Variants in COQ8A observed in about 807,000 individuals in gnomAD.
COQ8A encodes atypical kinase COQ8A, mitochondrial.
Under a neutral mutation model 65.0 loss-of-function variants are expected in COQ8A, and 51 were observed. The ratio of observed to expected loss-of-function variants is 0.78; its 90% CI spans 0.63 to 0.99. The LOEUF is 0.99. Ranked by LOEUF, COQ8A falls within the 50% of genes least tolerant of loss-of-function variation. The pLI is 0.00. For synonymous variants in COQ8A, 371 were observed against 353.2 expected, an observed-to-expected ratio of 1.05 and a Z score of -0.57; for missense variants, 940 against 875.0, an observed-to-expected ratio of 1.07 and a Z score of -0.94.
intron 1 of COQ8A, among the ~76,000 whole-genome samples, chr1:226,943,119 A>G (rs2147994258): frequency 6.6e-6 from 1 of 152,322 alleles, no homozygotes; most frequent in African/African-American, 2.4e-5. Flanking sequence ...CCTGTAGAAA[A>G]GGATCAGGAA....
chr1:226,959,592 A>C (rs1658024695), intron 1 of COQ8A, among the ~76,000 whole-genome samples: 1 of 152,232 alleles, frequency 6.6e-6, no homozygotes, highest in South Asian at 2.1e-4. Flanking sequence ...CACAAATGAC[A>C]GACTGTGTTT....
At chr1:226,976,237 T>A (rs1450673950) in intron 4 of COQ8A, among the ~76,000 whole-genome samples, 4 of 134,492 alleles carry the variant, frequency 3.0e-5, no homozygotes, top group Admixed American at 1.5e-4. Context: ...GCTGTGGGAC[T>A]GCGGGGCTGT....
At chr1:226,969,733 A>G (rs1229897343) in intron 4 of COQ8A, among the ~76,000 whole-genome samples, 2 of 151,758 alleles carry the variant, frequency 1.3e-5, no homozygotes, top group Non-Finnish European at 2.9e-5. Context: ...TGTTTAATGC[A>G]TATCTATGAG....
intron 9 of COQ8A, 47 bp from the exon 10 acceptor site, chr1:226,983,714 T>G: frequency 1.2e-6 from 2 of 1,612,446 alleles, no homozygotes; most frequent in Non-Finnish European, 1.7e-6. Flanking sequence ...GAGGGGGTCC[T>G]CCCTGCAGAG....
intron 1 of COQ8A, among the ~76,000 whole-genome samples, chr1:226,960,331 A>G (rs1367004902): frequency 0.037 from 38 of 1,030 alleles, no homozygotes; most frequent in Non-Finnish European, 0.042. Flanking sequence ...TGGTGGTATC[A>G]GTGGTACTTG....
At position 226,986,717 on chromosome 1, in the gene COQ8A, A is replaced by G. The variant is rs1660143215; in HGVS notation, c.1924A>G (p.Lys642Glu). 6.2e-7 allele frequency: 1 copy of G among 1,613,618 alleles called. No individual in the cohort carries two copies. The highest frequency in any genetic ancestry group is 8.5e-7 in the Non-Finnish European group (1 of 1,180,024). ...MFEEAYSNYCKRQAQQ is the reference protein window; with the variant it reads ...MFEEAYSNYCERQAQQ The stretch of plus-strand genomic sequence containing the variant: ...CGAGGAGGCCTACAGCAACTACTGC[A>G]AGAGGCAGGCCCAGCAGTAGGGCTG... The change falls in exon 15 of 15, where the codon AAG (lysine) becomes GAG (glutamate). Residue 642 changes from lysine (K) to glutamate (E), a missense_variant. Transcript: ENST00000366777.
intron 4 of COQ8A, among the ~76,000 whole-genome samples, chr1:226,975,671 G>C (rs896610152): frequency 2.0e-5 from 3 of 152,086 alleles, no homozygotes; most frequent in African/African-American, 7.2e-5. Flanking sequence ...TTTTTGAATA[G>C]AGTCACGAGA....
chr1:226,982,174 C>T (rs1405859097), intron 6 of COQ8A, 25 bp downstream of exon 6: 5 of 1,555,082 alleles, frequency 3.2e-6, no homozygotes, highest in Non-Finnish European at 2.6e-6. Context: ...GGGCTGCTGC[C>T]CCGGGACTGC....
intron 4 of COQ8A, among the ~76,000 whole-genome samples, chr1:226,973,189 G>A (rs1658999252): frequency 6.6e-6 from 1 of 152,252 alleles, no homozygotes; most frequent in Non-Finnish European, 1.5e-5. Flanking sequence ...CAGTGCCAGT[G>A]CTCTTCTGGG....
At chr1:226,984,040 G>A (rs557215916) in intron 10 of COQ8A, 54 bp from the exon 11 acceptor site, 6 of 1,521,524 alleles carry the variant, frequency 3.9e-6, no homozygotes, top group Non-Finnish European at 4.5e-6. Context: ...TGTGTGGGGG[G>A]GGGGACGGTG....
chr1:226,957,491 C>T (rs562729657), intron 1 of COQ8A, among the ~76,000 whole-genome samples: 4 of 152,190 alleles, frequency 2.6e-5, no homozygotes, highest in Non-Finnish European at 5.9e-5. Context: ...TCTGTATTTA[C>T]GGAGGAGATT....
intron 1 of COQ8A, among the ~76,000 whole-genome samples, chr1:226,945,015 A>G (rs1656943862): frequency 2.6e-5 from 4 of 152,086 alleles, no homozygotes. Flanking sequence ...TAGAATCTCT[A>G]GAAGGATCAG....
chr1:226,951,317 G>GA (rs2148015340), intron 1 of COQ8A, among the ~76,000 whole-genome samples: 1 of 152,340 alleles, frequency 6.6e-6, no homozygotes, highest in African/African-American at 2.4e-5. Flanking sequence ...ACGTGGAGGG[G>GA]AATGCGGGTG....
intron 1 of COQ8A, among the ~76,000 whole-genome samples, chr1:226,952,250 G>T (rs1657432054): frequency 6.6e-6 from 1 of 152,174 alleles, no homozygotes; most frequent in South Asian, 2.1e-4. Context: ...AAGGACAGTG[G>T]CTAAACAAGG....
intron 4 of COQ8A, among the ~76,000 whole-genome samples, chr1:226,971,348 C>A (rs554905818): frequency 7.2e-5 from 11 of 152,056 alleles, no homozygotes; most frequent in African/African-American, 2.6e-4. Flanking sequence ...GTCAAGAGAT[C>A]GAGACGATCC....
At chr1:226,976,095 C>CCGGGCAGT (rs1659177136) in intron 4 of COQ8A, among the ~76,000 whole-genome samples, 3 of 151,344 alleles carry the variant, frequency 2.0e-5, no homozygotes, top group Admixed American at 6.6e-5. Flanking sequence ...TGTCTGACTG[C>CCGGGCAGT]GGGGCTGTGG....
intron 1 of COQ8A, among the ~76,000 whole-genome samples, chr1:226,944,758 A>AGAGT (rs1656920053): frequency 1.4e-5 from 1 of 74,010 alleles, no homozygotes; most frequent in Non-Finnish European, 2.6e-5. Context: ...AGTGAGAGAG[A>AGAGT]GAGAGTGAGA....
Position 226,982,250 on chromosome 1 carries a change from A to G in COQ8A, c.853+101A>G, listed in dbSNP as rs911344066. 1.5e-5 allele frequency: 22 copies of G among 1,475,698 alleles called. No individual in the cohort carries two copies. The East Asian group carries it at 4.5e-4, about 30-fold the overall frequency. The allele number at this position is 1,475,698 out of a possible 1,614,324, so 91.4% of individuals were successfully genotyped here. ...TGGCCCCACCAAAGCTCAGTGGGCA[A>G]GATGTGAGCAGGCTGGGGAGAGATC... On this transcript the variant is annotated intron_variant, in intron 6 of 14. Coordinates refer to ENST00000366777, the MANE Select transcript of COQ8A (RefSeq NM_020247.5).
chr1:226,985,222 T>TGAAAAG (rs1417600882), intron 13 of COQ8A, 32 bp from the exon 14 acceptor site: 1 of 1,608,734 alleles, frequency 6.2e-7, no homozygotes, highest in East Asian at 2.2e-5. Flanking sequence ...CTTTTCATGC[T>TGAAAAG]GCCCACGGTC....
Sources: allele counts gnomAD v4.1 joint callset (sites outside exome capture counted in the v4.1 genomes callset), GRCh38; gene constraint gnomAD v4.1.1; transcripts MANE v1.5; gene names NCBI Gene and HGNC (gene_info 2026-07-23, HGNC 2026-07-21).